NRXN3: variants seen among roughly 807,000 people sequenced by gnomAD.
NRXN3 encodes the protein neurexin III.
In NRXN3, 32 loss-of-function variants were observed where a neutral mutation model predicts 137.6. The observed-to-expected ratio is 0.23, with a 90% confidence interval of 0.18 to 0.31. The LOEUF (loss-of-function observed/expected upper bound fraction) is 0.31, where lower values mean the gene tolerates loss of function less well. Among genes scored for constraint, NRXN3 ranks in the 10% least tolerant of loss-of-function variants. The pLI is 1.00. For synonymous variants in NRXN3, 798 were observed against 784.5 expected (o/e 1.02, Z -0.29); for missense variants, 1,574 against 2,062.5 (o/e 0.76, Z 4.59).
intron 15 of NRXN3, among the ~76,000 whole-genome samples, chr14:79,344,627 T>A (rs941967735): frequency 2.6e-5 from 4 of 152,204 alleles, no homozygotes; most frequent in African/African-American, 7.2e-5. Context: ...ATTGACTTTT[T>A]TATTCCTAAA....
At chr14:78,200,427 G>A (rs2061573142) in intron 1 of NRXN3, among the ~76,000 whole-genome samples, 1 of 152,112 alleles carries the variant, frequency 6.6e-6, no homozygotes, top group African/African-American at 2.4e-5. Flanking sequence ...AGGTCACCTG[G>A]GGTCCCAGAG....
intron 15 of NRXN3, among the ~76,000 whole-genome samples, chr14:79,268,565 T>C (rs1325037751): frequency 6.6e-6 from 1 of 152,098 alleles, no homozygotes; most frequent in East Asian, 1.9e-4. Context: ...CATCACCTCA[T>C]CCACATTCCA....
intron 10 of NRXN3, among the ~76,000 whole-genome samples, chr14:78,815,899 G>A (rs1407057358): frequency 1.3e-5 from 2 of 152,106 alleles, no homozygotes; most frequent in East Asian, 3.9e-4. Context: ...CCATTTACCT[G>A]GTGATGCCAC....
At chr14:79,733,688 T>TA (rs143424040) in intron 19 of NRXN3, among the ~76,000 whole-genome samples, 5 of 150,986 alleles carry the variant, frequency 3.3e-5, no homozygotes, top group Non-Finnish European at 7.4e-5. Context: ...TTTTTTTTTT[T>TA]ATAACTGTGA....
chr14:78,741,666 T>TGCAATAA (rs535933290), intron 8 of NRXN3, among the ~76,000 whole-genome samples: 2 of 152,274 alleles, frequency 1.3e-5, no homozygotes, highest in Admixed American at 6.5e-5. Flanking sequence ...TTATTATTTT[T>TGCAATAA]GCAATAAGAA....
chr14:78,558,223 A>AC (rs1274493208), intron 4 of NRXN3, among the ~76,000 whole-genome samples: 1 of 152,136 alleles, frequency 6.6e-6, no homozygotes, highest in Non-Finnish European at 1.5e-5. Context: ...AAAACAAGAG[A>AC]CCCAAACATG....
intron 4 of NRXN3, among the ~76,000 whole-genome samples, chr14:78,454,227 A>G (rs2094625033): frequency 6.6e-6 from 1 of 151,952 alleles, no homozygotes; most frequent in South Asian, 2.1e-4. Flanking sequence ...TATGATAGGT[A>G]TTTCATGTCT....
chr14:79,507,128 A>C (rs983824353), intron 16 of NRXN3, among the ~76,000 whole-genome samples: 1 of 152,220 alleles, frequency 6.6e-6, no homozygotes, highest in Non-Finnish European at 1.5e-5. Context: ...AACAGCTAAA[A>C]ATACAAGGAT....
At chr14:78,822,236 G>A (rs1440364207) in intron 10 of NRXN3, among the ~76,000 whole-genome samples, 1 of 152,118 alleles carries the variant, frequency 6.6e-6, no homozygotes, top group East Asian at 1.9e-4. Context: ...CACTTGACAG[G>A]TGGCTACTAA....
At position 78,503,124 on chromosome 14, in the gene NRXN3, A is replaced by C. The variant is rs950711694; in HGVS notation, c.758-141996A>C. Among the ~76,000 whole-genome samples the C allele has an allele frequency of 2.6e-5, 4 of 152,180 alleles. No homozygotes were observed. The East Asian group carries it at 7.7e-4, about 29-fold the overall frequency. On this transcript the variant is annotated intron_variant, in intron 4 of 20. Coordinates refer to ENST00000335750, the MANE Select transcript of NRXN3 (RefSeq NM_001330195.2). ...ATAATTTAATAGATTTTACCTGCCTAAATGACATTATTTGCAATCTGTTTA... is the reference window on the plus strand; with the variant it reads ...ATAATTTAATAGATTTTACCTGCCTCAATGACATTATTTGCAATCTGTTTA...
chr14:79,335,246 T>C (rs1398361622), intron 15 of NRXN3, among the ~76,000 whole-genome samples: 1 of 152,132 alleles, frequency 6.6e-6, no homozygotes, highest in East Asian at 1.9e-4. Flanking sequence ...TTTGTTGGCA[T>C]GGTGGGATGT....
At chr14:78,579,799 T>A (rs1408689862) in intron 4 of NRXN3, among the ~76,000 whole-genome samples, 4 of 152,210 alleles carry the variant, frequency 2.6e-5, no homozygotes, top group African/African-American at 9.6e-5. Flanking sequence ...CTTATCCTGA[T>A]GTTCTCACTG....
chr14:78,421,261 C>G lies in NRXN3; in HGVS notation c.757+123401C>G, dbSNP rs1425413230. On this transcript the variant is annotated intron_variant, in intron 4 of 20. Coordinates refer to ENST00000335750, the MANE Select transcript of NRXN3 (RefSeq NM_001330195.2). ...CTGGTGACAGACTGAGACTCCATCT[C>G]AAAAAAAAAAAAAAGAAAAAAAAGA... Among the ~76,000 whole-genome samples, 10 of 116,088 alleles carry G rather than the reference C, an allele frequency of 8.6e-5. No homozygotes were observed. In the South Asian group the frequency reaches 2.6e-3, roughly 31 times the overall value. The allele number at this position is 116,088 out of a possible 152,430, so 76.2% of individuals were successfully genotyped here. A position where few individuals can be genotyped will look rare whatever the true frequency, so the allele number is the denominator to read the frequency against.
intron 16 of NRXN3, among the ~76,000 whole-genome samples, chr14:79,499,045 G>A (rs770214231): frequency 6.6e-6 from 1 of 152,072 alleles, no homozygotes; most frequent in African/African-American, 2.4e-5. Flanking sequence ...CTCACTCCCT[G>A]CCAATCTTTT....
chr14:78,823,201 C>T (rs1481623612), intron 10 of NRXN3, among the ~76,000 whole-genome samples: 1 of 152,202 alleles, frequency 6.6e-6, no homozygotes, highest in African/African-American at 2.4e-5. Flanking sequence ...GAATCACTCT[C>T]CACATGACTG....
At chr14:79,664,029 G>A (rs1348458071) in intron 17 of NRXN3, 80 bp downstream of exon 17, 3 of 1,418,948 alleles carry the variant, frequency 2.1e-6, no homozygotes, top group African/African-American at 1.4e-5. Flanking sequence ...TCTCATGACT[G>A]TCACCAAATT....
chr14:79,589,737 A>G (rs1048855340), intron 16 of NRXN3, among the ~76,000 whole-genome samples: 1 of 152,060 alleles, frequency 6.6e-6, no homozygotes, highest in Non-Finnish European at 1.5e-5. Context: ...TCACTCTATT[A>G]TTTTAATATA....
intron 1 of NRXN3, among the ~76,000 whole-genome samples, chr14:78,172,089 C>T (rs1196858136): frequency 6.6e-6 from 1 of 152,152 alleles, no homozygotes; most frequent in Non-Finnish European, 1.5e-5. Flanking sequence ...TTCCTCTCCG[C>T]TGGGTCCTGT....
chr14:79,593,665 A>G (rs1196811651), intron 16 of NRXN3, among the ~76,000 whole-genome samples: 1 of 151,674 alleles, frequency 6.6e-6, no homozygotes, highest in Non-Finnish European at 1.5e-5. Context: ...ACCTTGAGAA[A>G]AACAAGCAAA....
Sources: allele counts gnomAD v4.1 joint callset (sites outside exome capture counted in the v4.1 genomes callset), GRCh38; gene constraint gnomAD v4.1.1; transcripts MANE v1.5; gene names NCBI Gene and HGNC (gene_info 2026-07-23, HGNC 2026-07-21).